The following ZDHHC15 variants were observed in gnomAD, a reference collection of about 807,000 sequenced individuals.
The protein encoded by ZDHHC15 is zDHHC palmitoyltransferase 15.
In ZDHHC15, 19 loss-of-function variants were observed where a neutral mutation model predicts 31.7. The observed-to-expected ratio is 0.60, with a 90% CI of 0.42 to 0.88. The LOEUF (loss-of-function observed/expected upper bound fraction) is 0.88, where lower values mean the gene tolerates loss of function less well. Ranked by LOEUF, ZDHHC15 falls within the 40% of genes least tolerant of loss-of-function variation. The pLI, the probability that ZDHHC15 is intolerant of heterozygous loss-of-function variation, is 0.00. For synonymous variants in ZDHHC15, 103 were observed against 90.0 expected (o/e 1.14, Z -0.82); for missense variants, 209 against 251.2 (o/e 0.83, Z 1.14).
intron 2 of ZDHHC15, among the ~76,000 whole-genome samples, chrX:75,504,217 T>C (rs1025604009): frequency 3.6e-5 from 4 of 111,520 alleles, no homozygotes; most frequent in African/African-American, 6.5e-5. Flanking sequence ...GGAAAACTTT[T>C]GCAGTATGTT....
At chrX:75,413,013 A>G (rs1364696581) in intron 10 of ZDHHC15, among the ~76,000 whole-genome samples, 1 of 111,514 alleles carries the variant, frequency 9.0e-6, no homozygotes, top group Non-Finnish European at 1.9e-5. Context: ...AGTTAATAAT[A>G]TTGTATTGTA....
intron 3 of ZDHHC15, among the ~76,000 whole-genome samples, chrX:75,459,244 G>A (rs1444048188): frequency 9.0e-6 from 1 of 110,735 alleles, no homozygotes; most frequent in Non-Finnish European, 1.9e-5. Context: ...CCAGCAAGGT[G>A]GGAGATCCAT....
rs2083203954 is a variant in ZDHHC15, at chrX:75,388,482, C to A, written c.968-9284G>T. Among the ~76,000 whole-genome samples, 3 of 112,034 alleles carry A rather than the reference C, an allele frequency of 2.7e-5. No individual in the cohort carries two copies. The South Asian group carries it at 1.1e-3, about 42-fold the overall frequency. On this transcript the variant is annotated intron_variant, in intron 10 of 11. Coordinates refer to ENST00000373367, the MANE Select transcript of ZDHHC15 (RefSeq NM_144969.3). ...TTTTTTTCTTTGTTTCTATTATTTT[C>A]TTTGTGATTTAAGAAAAGCTGTCCT...
At chrX:75,491,741 T>G (rs2084898082) in intron 2 of ZDHHC15, among the ~76,000 whole-genome samples, 1 of 111,109 alleles carries the variant, frequency 9.0e-6, no homozygotes, top group Admixed American at 9.6e-5. Flanking sequence ...AAGCAAATGC[T>G]GAGAGATTTT....
At chrX:75,439,180 T>C (rs746023368) in intron 4 of ZDHHC15, among the ~76,000 whole-genome samples, 2 of 111,932 alleles carry the variant, frequency 1.8e-5, no homozygotes, top group South Asian at 7.5e-4. Context: ...TTTGAGCTTC[T>C]GTATTTGGAT....
At chrX:75,466,139 A>G (rs1043310740) in intron 3 of ZDHHC15, among the ~76,000 whole-genome samples, 2 of 112,101 alleles carry the variant, frequency 1.8e-5, no homozygotes, top group African/African-American at 6.5e-5. Context: ...GGCAAACGAC[A>G]TGAACAAACA....
In ZDHHC15 at chrX:75,370,896, C is replaced by T. The variant is rs967263071; in HGVS notation, c.*2082G>A. 2.7e-5 allele frequency: 3 copies of T among 111,866 alleles called. No individual in the cohort carries two copies. Among genetic ancestry groups the T allele is most frequent in the Non-Finnish European group, 3.8e-5 (2 of 53,239 alleles). 9.2% of individuals were successfully genotyped at this position (111,866 alleles called of 1,213,427 possible). ...TTAAACAATCAGCTTTGCATTACAT[C>T]TTTCCTGAGCTTTACCTCTCCGGAA... On this transcript the variant is annotated 3_prime_UTR_variant, in exon 12 of 12. Transcript: ENST00000373367.
rs1472764514 is a variant in ZDHHC15, at chrX:75,369,953, C to T, written c.*3025G>A. ...TAATCTCTTTTCCCCTTAATTTTTC[C>T]AGCTGTACCATGGGGAACAATTTTT... On this transcript the variant is annotated 3_prime_UTR_variant, in exon 12 of 12. Coordinates refer to ENST00000373367, the MANE Select transcript of ZDHHC15 (RefSeq NM_144969.3). 14 of 111,314 alleles carry T rather than the reference C, an allele frequency of 1.3e-4. No homozygotes were observed. The East Asian group carries it at 4.0e-3, about 32-fold the overall frequency. 9.2% of individuals were successfully genotyped at this position (111,314 alleles called of 1,213,427 possible).
intron 10 of ZDHHC15, among the ~76,000 whole-genome samples, chrX:75,388,954 G>T (rs1392870268): frequency 8.9e-6 from 1 of 111,840 alleles, no homozygotes. Flanking sequence ...AGGCACTGAA[G>T]AGGGTAGGGA....
chrX:75,494,304 A>G (rs1202590229), intron 2 of ZDHHC15, among the ~76,000 whole-genome samples: 1 of 111,744 alleles, frequency 8.9e-6, no homozygotes, highest in African/African-American at 3.3e-5. Flanking sequence ...AAATGGAAGA[A>G]CATTCCATGC....
At chrX:75,471,500 G>A (rs1448545606) in intron 3 of ZDHHC15, among the ~76,000 whole-genome samples, 2 of 112,112 alleles carry the variant, frequency 1.8e-5, no homozygotes, top group Middle Eastern at 4.7e-3. Context: ...TTCCAGTGGT[G>A]TGAGGCCGTC....
At chrX:75,393,468 C>A (rs2083267629) in intron 10 of ZDHHC15, among the ~76,000 whole-genome samples, 1 of 111,148 alleles carries the variant, frequency 9.0e-6, no homozygotes, top group South Asian at 3.8e-4. Context: ...CACATAAGGT[C>A]AAAAGTATTA....
At position 75,514,727 on chromosome X, in the gene ZDHHC15, C is replaced by G. The variant is rs183485261; in HGVS notation, c.136+8162G>C. Among the ~76,000 whole-genome samples, 4 of 111,847 alleles carry G rather than the reference C, an allele frequency of 3.6e-5. No individual in the cohort carries two copies. The East Asian group carries it at 1.1e-3, about 31-fold the overall frequency. Reference sequence around the variant, plus strand: ...TCCAATGGTCTTAGCAAATGGAACACCAGGAGATTATATCCCATGCAAGGC... The same window carrying G: ...TCCAATGGTCTTAGCAAATGGAACAGCAGGAGATTATATCCCATGCAAGGC... On this transcript the variant is annotated intron_variant, in intron 1 of 11. Transcript: ENST00000373367.
At chrX:75,457,883 G>T (rs919072328) in intron 3 of ZDHHC15, among the ~76,000 whole-genome samples, 2 of 111,618 alleles carry the variant, frequency 1.8e-5, no homozygotes, top group Non-Finnish European at 3.8e-5. Flanking sequence ...TATGTAGGAG[G>T]GTGTGAATGG....
At chrX:75,421,411 A>AATATATATAAT in intron 9 of ZDHHC15, among the ~76,000 whole-genome samples, 1 of 26,053 alleles carries the variant, frequency 3.8e-5, no homozygotes, top group Admixed American at 5.4e-4. Context: ...ATATATATAT[A>AATATATATAAT]ATATATATAT....
Position 75,373,079 on chromosome X carries a change from T to C in ZDHHC15, c.*33-134A>G, listed in dbSNP as rs190980636. ...AGTATAGATCAGCACTGAAAAATGT[T>C]AAGTGAAAAAGGCAGGATATAAAAT... On this transcript the variant is annotated intron_variant, in intron 11 of 11. Transcript: ENST00000373367. 4.5e-5 allele frequency: 5 copies of C among 111,430 alleles called. No individual in the cohort carries two copies. In the East Asian group the frequency reaches 1.4e-3, roughly 32 times the overall value. 9.2% of individuals were successfully genotyped at this position (111,430 alleles called of 1,213,427 possible).
intron 3 of ZDHHC15, among the ~76,000 whole-genome samples, chrX:75,474,577 C>T (rs866565948): frequency 4.8e-3 from 34 of 7,142 alleles, no homozygotes; most frequent in Middle Eastern, 0.1. Flanking sequence ...CCTTTATACA[C>T]ACACACACAC....
At position 75,478,927 on chromosome X, in the gene ZDHHC15, C is replaced by A; in HGVS notation, c.222G>T (p.Lys74Asn). The A allele has an allele frequency of 2.5e-6, 3 of 1,206,606 alleles. No individual in the cohort carries two copies. Among genetic ancestry groups the A allele is most frequent in the Non-Finnish European group, 3.4e-6 (3 of 892,829 alleles). ...IFVFFTWTYWKSIFTLPQQPN... is the reference protein window; with the variant it reads ...IFVFFTWTYWNSIFTLPQQPN... Reference sequence around the variant, plus strand: ...GCTGCTGTGGGAGTGTAAAGATAGACTTCCAGTAGGTCCAGGTAAAGAACA... The same window carrying A: ...GCTGCTGTGGGAGTGTAAAGATAGAATTCCAGTAGGTCCAGGTAAAGAACA... Residue 74 changes from lysine to asparagine, a missense_variant, in exon 3 of 12, where the codon AAG becomes AAT. Physicochemically the swap from Lys to Asn is moderately conservative, Grantham distance 94. Transcript: ENST00000373367.
At position 75,482,987 on chromosome X, in the gene ZDHHC15, ATG is replaced by A. The variant is rs767687014; in HGVS notation, c.164-4004_164-4003del. On this transcript the variant is annotated intron_variant, in intron 2 of 11. Transcript: ENST00000373367. Reference sequence around the variant, plus strand: ...TATATATATGATCACATGTATGTATATGTGTGTGTATGTGTATATATATATAT... The same window carrying A: ...TATATATATGATCACATGTATGTATATGTGTGTATGTGTATATATATATAT... Among the ~76,000 whole-genome samples the A allele has an allele frequency of 1.1e-4, 10 of 95,170 alleles. No individual in the cohort carries two copies. In the South Asian group the frequency reaches 4.5e-3, roughly 43 times the overall value. The allele number at this position is 95,170 out of a possible 115,157, so 82.6% of individuals were successfully genotyped here.
Sources: allele counts gnomAD v4.1 joint callset (sites outside exome capture counted in the v4.1 genomes callset), GRCh38; gene constraint gnomAD v4.1.1; transcripts MANE v1.5; gene names NCBI Gene and HGNC (gene_info 2026-07-23, HGNC 2026-07-21).